PDE10A: variants seen among roughly 807,000 people sequenced by gnomAD.
The protein encoded by PDE10A is phosphodiesterase 10A.
Under a neutral mutation model 97.7 loss-of-function variants are expected in PDE10A, and 39 were observed. The ratio of observed to expected loss-of-function variants is 0.40; its 90% CI spans 0.31 to 0.52. The LOEUF is 0.52. Among genes scored for constraint, PDE10A ranks in the 20% least tolerant of loss-of-function variants. The pLI is 0.56. For synonymous variants in PDE10A, 371 were observed against 376.8 expected, an observed-to-expected ratio of 0.98 and a Z score of 0.18; for missense variants, 731 against 1,047.8, an observed-to-expected ratio of 0.70 and a Z score of 4.17.
At chr6:165,482,481 T>C (rs1779663424) in intron 2 of PDE10A, 138 bp from the exon 3 acceptor site, 2 of 706,026 alleles carry the variant, frequency 2.8e-6, no homozygotes, top group Middle Eastern at 2.4e-4. Context: ...TGAATTTGAT[T>C]TTTTAAACTG....
rs370271382 is a variant in PDE10A at position 165,834,567 on chromosome 6, A to G, written c.-615+152962T>C. Reference sequence around the variant, plus strand: ...GGGGCTTGGAAGGCACAGATCTGGAATCCCAGCTCAACTTCTTTTCACAAG... The same window carrying G: ...GGGGCTTGGAAGGCACAGATCTGGAGTCCCAGCTCAACTTCTTTTCACAAG... On this transcript the variant is annotated intron_variant, in intron 1 of 19. Transcript: ENST00000366882. Among the ~76,000 whole-genome samples the G allele has an allele frequency of 3.3e-5, 5 of 152,314 alleles. No homozygotes were observed. In the South Asian group the frequency reaches 1.0e-3, roughly 32 times the overall value.
intron 1 of PDE10A, among the ~76,000 whole-genome samples, chr6:165,802,414 T>C (rs1159646944): frequency 6.6e-6 from 1 of 152,184 alleles, no homozygotes; most frequent in Non-Finnish European, 1.5e-5. Context: ...AACCACTAGC[T>C]GAACTCCCAT....
intron 1 of PDE10A, among the ~76,000 whole-genome samples, chr6:165,843,183 A>G (rs970989324): frequency 3.9e-5 from 6 of 152,328 alleles, no homozygotes; most frequent in African/African-American, 1.4e-4. Context: ...GCTACAAGCC[A>G]TGGTGTTGGG....
intron 1 of PDE10A, among the ~76,000 whole-genome samples, chr6:165,682,920 C>T (rs1193007737): frequency 6.6e-6 from 1 of 152,118 alleles, no homozygotes; most frequent in East Asian, 1.9e-4. Context: ...TTCATTTGCC[C>T]CCACAGACAC....
At position 165,689,426 on chromosome 6, in the gene PDE10A, A is replaced by C. The variant is rs1167555924; in HGVS notation, c.-614-145858T>G. 1.4e-4 allele frequency among the ~76,000 whole-genome samples: 22 copies of C among 152,340 alleles called. No homozygotes were observed. The East Asian group carries it at 4.2e-3, about 29-fold the overall frequency. On this transcript the variant is annotated intron_variant, in intron 1 of 19. Transcript: ENST00000366882. ...ATACAGTTTGGATGTCTGTTCCCCC[A>C]GATCTCATGAGGAAATGTGATCCCC...
At chr6:165,659,649 G>A (rs1031318497) in intron 1 of PDE10A, among the ~76,000 whole-genome samples, 2 of 152,208 alleles carry the variant, frequency 1.3e-5, no homozygotes, top group Admixed American at 6.5e-5. Flanking sequence ...TCCTGTTCAA[G>A]GCCAAAGCTA....
At position 165,452,119 on chromosome 6, in the gene PDE10A, G is replaced by C. The variant is rs141588947; in HGVS notation, c.1024-1757C>G. On this transcript the variant is annotated intron_variant, in intron 3 of 21. Coordinates refer to ENST00000539869, the MANE Select transcript of PDE10A (RefSeq NM_001385079.1). Reference sequence around the variant, plus strand: ...AAACACATTTACAGGGGGAGCCCTGGCATATGTGAATATATACCTGGCTCT... The same window carrying C: ...AAACACATTTACAGGGGGAGCCCTGCCATATGTGAATATATACCTGGCTCT... Among the ~76,000 whole-genome samples, 717 of 152,286 alleles carry C rather than the reference G, an allele frequency of 4.7e-3. 1 individual carries two copies. The highest frequency in any genetic ancestry group is 7.5e-3 in the Non-Finnish European group (508 of 68,028).
intron 1 of PDE10A, among the ~76,000 whole-genome samples, chr6:165,818,438 G>A (rs1874197): frequency 0.056 from 8,491 of 152,224 alleles, 814 homozygotes; most frequent in East Asian, 0.41. Flanking sequence ...GAAAGTCAAA[G>A]AATTTAAATT....
intron 1 of PDE10A, among the ~76,000 whole-genome samples, chr6:165,689,933 T>A (rs1348490832): frequency 1.3e-5 from 2 of 152,194 alleles, no homozygotes; most frequent in African/African-American, 4.8e-5. Flanking sequence ...TCAGCATGTA[T>A]CCGTGAGTCA....
chr6:165,555,922 G>A (rs1359045258), intron 1 of PDE10A, among the ~76,000 whole-genome samples: 1 of 152,142 alleles, frequency 6.6e-6, no homozygotes, highest in Non-Finnish European at 1.5e-5. Context: ...GAATTGCACT[G>A]CTCCTATGTG....
intron 1 of PDE10A, among the ~76,000 whole-genome samples, chr6:165,953,522 C>T (rs774454050): frequency 2.0e-5 from 3 of 151,462 alleles, no homozygotes; most frequent in East Asian, 1.9e-4. Flanking sequence ...ACCCAGGAAG[C>T]GGAGGTTGCA....
rs78245988 is a variant in PDE10A at position 165,826,328 on chromosome 6, T to C, written c.-615+161201A>G. 9.4e-3 allele frequency among the ~76,000 whole-genome samples: 1,381 copies of C among 147,128 alleles called. 16 individuals are homozygous for C. Among genetic ancestry groups the C allele is most frequent in the African/African-American group, 0.033 (1,327 of 40,568 alleles). On this transcript the variant is annotated intron_variant, in intron 1 of 19. Coordinates refer to the PDE10A transcript ENST00000366882. Reference sequence around the variant, plus strand: ...TTCATGTCCCTCTGTCCCTGCATCCTTCTGTCCCCATGTCCCTGTGTCCCC... The same window carrying C: ...TTCATGTCCCTCTGTCCCTGCATCCCTCTGTCCCCATGTCCCTGTGTCCCC...
intron 1 of PDE10A, among the ~76,000 whole-genome samples, chr6:165,893,007 T>G (rs1370198285): frequency 6.6e-6 from 1 of 152,218 alleles, no homozygotes; most frequent in African/African-American, 2.4e-5. Context: ...CGTTCACACC[T>G]GCTGTCTCCC....
chr6:165,722,037 T>C (rs1286614989), intron 1 of PDE10A, among the ~76,000 whole-genome samples: 1 of 152,340 alleles, frequency 6.6e-6, no homozygotes, highest in African/African-American at 2.4e-5. Context: ...CTTAGCCACA[T>C]ACAAACAAAT....
intron 1 of PDE10A, among the ~76,000 whole-genome samples, chr6:165,906,562 T>C (rs1282799639): frequency 6.6e-6 from 1 of 152,132 alleles, no homozygotes; most frequent in East Asian, 1.9e-4. Flanking sequence ...GATAATGGCT[T>C]CAGAAAGTCA....
chr6:165,836,411 C>T (rs1277284578), intron 1 of PDE10A, among the ~76,000 whole-genome samples: 1 of 152,232 alleles, frequency 6.6e-6, no homozygotes, highest in Non-Finnish European at 1.5e-5. Flanking sequence ...GAGCTGCTAA[C>T]CCCATGGGGC....
intron 1 of PDE10A, among the ~76,000 whole-genome samples, chr6:165,611,942 C>T (rs1310248957): frequency 6.6e-6 from 1 of 152,204 alleles, no homozygotes; most frequent in Non-Finnish European, 1.5e-5. Flanking sequence ...GTATTGGACA[C>T]TACCTTTCCC....
At chr6:165,512,875 AT>A (rs1377339229) in intron 2 of PDE10A, among the ~76,000 whole-genome samples, 7 of 152,044 alleles carry the variant, frequency 4.6e-5, no homozygotes, top group Non-Finnish European at 7.4e-5. Context: ...ACTTATTTTA[AT>A]GAGTACAGAG....
intron 9 of PDE10A, among the ~76,000 whole-genome samples, chr6:165,429,394 C>A (rs986435223): frequency 1.3e-5 from 2 of 151,996 alleles, no homozygotes; most frequent in Non-Finnish European, 2.9e-5. Flanking sequence ...TAGTGTTTAA[C>A]CTAGTTGGCT....
Sources: allele counts gnomAD v4.1 joint callset (sites outside exome capture counted in the v4.1 genomes callset), GRCh38; gene constraint gnomAD v4.1.1; transcripts MANE v1.5; gene names NCBI Gene and HGNC (gene_info 2026-07-23, HGNC 2026-07-21).